UTRN: variants seen among roughly 807,000 people sequenced by gnomAD.
UTRN encodes dystrophin-related protein 1.
A neutral mutation model predicts 463.9 loss-of-function variants in UTRN; 283 were observed. The ratio of observed to expected loss-of-function variants is 0.61; its 90% CI spans 0.55 to 0.67. UTRN has a LOEUF of 0.67. UTRN is among the 30% of genes least tolerant of loss of function. The pLI, the probability that UTRN is intolerant of heterozygous loss-of-function variation, is 0.00. For missense variants in UTRN, 3,922 were observed against 4,084.3 expected (o/e 0.96, Z 1.08); for synonymous variants, 1,442 against 1,431.5 (o/e 1.01, Z -0.17).
intron 51 of UTRN, among the ~76,000 whole-genome samples, chr6:144,667,205 C>A (rs1477219038): frequency 2.6e-5 from 4 of 152,088 alleles, no homozygotes; most frequent in Non-Finnish European, 5.9e-5. Context: ...CAGACATGCA[C>A]CACCACACCC....
chr6:144,772,078 G>A (rs1018189693), intron 59 of UTRN, 110 bp downstream of exon 59: 1 of 697,578 alleles, frequency 1.4e-6, no homozygotes, highest in Non-Finnish European at 2.1e-6. Context: ...CTGTTGCCCA[G>A]GCTGGAGTGC....
intron 46 of UTRN, among the ~76,000 whole-genome samples, chr6:144,543,590 C>A (rs1485355849): frequency 6.6e-6 from 1 of 152,062 alleles, no homozygotes; most frequent in African/African-American, 2.4e-5. Flanking sequence ...TTTTATTGCT[C>A]CTCCCCGCTT....
intron 53 of UTRN, among the ~76,000 whole-genome samples, chr6:144,722,868 A>G (rs766815030): frequency 1.3e-5 from 2 of 152,216 alleles, no homozygotes; most frequent in Non-Finnish European, 2.9e-5. Context: ...TCCAAGCTGC[A>G]GGATGACTAT....
intron 2 of UTRN, chr6:144,312,063 T>G (rs1806313470): frequency 6.6e-6 from 1 of 152,168 alleles, no homozygotes. Flanking sequence ...GCTCTGTGCC[T>G]GAGTAAAGTA....
Position 144,577,198 on chromosome 6 carries a change from G to T in UTRN, c.7389G>T (p.Glu2463Asp). 6.2e-7 allele frequency: 1 copy of T among 1,613,966 alleles called. No individual in the cohort carries two copies. The highest frequency in any genetic ancestry group is 8.5e-7 in the Non-Finnish European group (1 of 1,179,928). The change falls in exon 51 of 75, where the codon GAG becomes GAT. Residue 2463 changes from glutamate to aspartate, a missense_variant. This residue lies in a region of UTRN where 1,309 missense variants were observed against 1,452.6 expected (regional missense o/e 0.90). Coordinates refer to ENST00000367545, the MANE Select transcript of UTRN (RefSeq NM_007124.3). The part of the protein sequence containing the change: ...ENFLKWIQEA[E>D]TTVNVLVDAS... ...TCCTGAAGTGGATCCAAGAAGCAGA[G>T]ACCACAGTGAATGTGCTTGTGGATG...
intron 6 of UTRN, among the ~76,000 whole-genome samples, chr6:144,425,672 A>T (rs1056218590): frequency 1.1e-4 from 16 of 151,966 alleles, no homozygotes; most frequent in African/African-American, 3.6e-4. Context: ...GGACATTTGC[A>T]TAGGTTTATG....
chr6:144,634,921 G>A (rs1007513178), intron 51 of UTRN, among the ~76,000 whole-genome samples: 6 of 152,106 alleles, frequency 3.9e-5, no homozygotes, highest in African/African-American at 1.4e-4. Flanking sequence ...CTCATCAGTC[G>A]ATGGGCATTT....
chr6:144,420,801 A>T (rs2114844961), intron 3 of UTRN, among the ~76,000 whole-genome samples: 1 of 152,290 alleles, frequency 6.6e-6, no homozygotes, highest in Non-Finnish European at 1.5e-5. Flanking sequence ...TCACACTGTG[A>T]TGTGAGACGC....
chr6:144,437,548 A>G lies in UTRN; in HGVS notation c.1060-17A>G, dbSNP rs776039220. On this transcript the variant is annotated splice_polypyrimidine_tract_variant and intron_variant, in intron 10 of 74. Coordinates refer to ENST00000367545, the MANE Select transcript of UTRN (RefSeq NM_007124.3). ...TGCACTGAGTAGCTCACAAATTATA[A>G]CAATGTCCCTTTCTAGGCTTTTATG... 23 of 1,585,228 alleles carry G rather than the reference A, an allele frequency of 1.5e-5. No homozygotes were observed. The highest frequency in any genetic ancestry group is 1.7e-5 in the Non-Finnish European group (20 of 1,169,624).
rs1453118933 is a variant in UTRN at position 144,435,830 on chromosome 6, T to G, written c.856-105T>G. 3 of 1,268,250 alleles carry G rather than the reference T, an allele frequency of 2.4e-6. No homozygotes were observed. In the African/African-American group the frequency reaches 4.4e-5, roughly 19 times the overall value. 78.6% of individuals were successfully genotyped at this position (1,268,250 alleles called of 1,614,324 possible). Reference sequence around the variant, plus strand: ...GGCTCCTGAGAATTGGATTAGTGCCTAAGACAGAGTGGTGGGTACTTTGGG... The same window carrying G: ...GGCTCCTGAGAATTGGATTAGTGCCGAAGACAGAGTGGTGGGTACTTTGGG... On this transcript the variant is annotated intron_variant, in intron 9 of 74. Coordinates refer to ENST00000367545, the MANE Select transcript of UTRN (RefSeq NM_007124.3).
chr6:144,438,662 T>C, intron 11 of UTRN, 83 bp from the exon 12 acceptor site: 1 of 1,551,504 alleles, frequency 6.4e-7, no homozygotes, highest in East Asian at 2.3e-5. Flanking sequence ...TCCCTTGCCC[T>C]GTATCTCCGG....
chr6:144,378,742 C>T (rs994023391), intron 2 of UTRN, among the ~76,000 whole-genome samples: 3 of 151,996 alleles, frequency 2.0e-5, no homozygotes, highest in African/African-American at 7.3e-5. Flanking sequence ...TTTAGTTGTT[C>T]CAAAGTTCAG....
chr6:144,393,434 T>C (rs1009643543), intron 2 of UTRN, among the ~76,000 whole-genome samples: 2 of 152,232 alleles, frequency 1.3e-5, no homozygotes, highest in Non-Finnish European at 2.9e-5. Context: ...TATTACACTT[T>C]GTATGTTGAA....
At chr6:144,444,156 TA>T in intron 13 of UTRN, 124 bp from the exon 14 acceptor site, 1 of 754,480 alleles carries the variant, frequency 1.3e-6, no homozygotes, top group Non-Finnish European at 2.0e-6. Flanking sequence ...GCAATTTTTA[TA>T]AAAATACTTT....
chr6:144,748,753 T>A (rs1255460200), intron 55 of UTRN, among the ~76,000 whole-genome samples: 1 of 152,250 alleles, frequency 6.6e-6, no homozygotes, highest in African/African-American at 2.4e-5. Flanking sequence ...TACATTTATT[T>A]TTATTTTTTA....
At chr6:144,781,854 T>C (rs1284149897) in intron 60 of UTRN, 68 bp from the exon 61 acceptor site, 12 of 1,196,334 alleles carry the variant, frequency 1.0e-5, no homozygotes, top group Non-Finnish European at 1.4e-5. Context: ...AATGCCTTTG[T>C]TGTGATGTTG....
At chr6:144,571,815 CA>C (rs1800966703) in intron 50 of UTRN, among the ~76,000 whole-genome samples, 1 of 152,132 alleles carries the variant, frequency 6.6e-6, no homozygotes, top group South Asian at 2.1e-4. Context: ...AGTGACCTGA[CA>C]GTACAATTTT....
chr6:144,843,338 A>AT (rs1174016807), intron 73 of UTRN, among the ~76,000 whole-genome samples: 3 of 152,042 alleles, frequency 2.0e-5, no homozygotes, highest in South Asian at 2.1e-4. Context: ...AAAATGTGGG[A>AT]TTTTTTCCAA....
intron 51 of UTRN, among the ~76,000 whole-genome samples, chr6:144,631,778 T>C (rs1776551089): frequency 6.6e-6 from 1 of 152,200 alleles, no homozygotes; most frequent in Non-Finnish European, 1.5e-5. Flanking sequence ...AAAAGTTTTA[T>C]AAGTTATTCC....
Sources: gnomAD v4.1 joint callset for allele counts (sites outside exome capture counted in the v4.1 genomes callset) on GRCh38, gnomAD v4.1.1 for gene constraint, gnomAD v4.1.1 regional missense constraint, MANE v1.5 for transcripts, NCBI Gene and HGNC (gene_info 2026-07-23, HGNC 2026-07-21) for gene names.